PPIP5K2: variants seen among roughly 807,000 people sequenced by gnomAD.
PPIP5K2 encodes diphosphoinositol pentakisphosphate kinase 2.
Under a neutral mutation model 154.6 loss-of-function variants are expected in PPIP5K2, and 105 were observed. That is an observed-to-expected ratio of 0.68 (90% CI 0.58 to 0.80). The LOEUF is 0.80. Among genes scored for constraint, PPIP5K2 ranks in the 30% least tolerant of loss-of-function variants. PPIP5K2 has a pLI of 0.00. For missense variants in PPIP5K2, 992 were observed against 1,504.6 expected, an observed-to-expected ratio of 0.66 and a Z score of 5.64; for synonymous variants, 480 against 490.3, an observed-to-expected ratio of 0.98 and a Z score of 0.28.
chr5:103,184,988 T>C (rs1240805433), intron 26 of PPIP5K2, among the ~76,000 whole-genome samples: 5 of 152,180 alleles, frequency 3.3e-5, no homozygotes, highest in Non-Finnish European at 4.4e-5. Flanking sequence ...CTTAGTTCAC[T>C]TGCCAATGCT....
rs781791997 is a variant in PPIP5K2 at position 103,173,949 on chromosome 5, C to G, written c.2506C>G (p.Leu836Val). The G allele has an allele frequency of 3.1e-6, 5 of 1,598,268 alleles. No individual in the cohort carries two copies. Among genetic ancestry groups the G allele is most frequent in the Non-Finnish European group, 4.3e-6 (5 of 1,166,964 alleles). ...ESHVHSLLSILRYGALCNESK... is the reference protein window; with the variant it reads ...ESHVHSLLSIVRYGALCNESK... ...TCATGTACATTCTTTGCTGTCTATT[C>G]TTCGCTATGGTGCCTTATGCAATGT... is the stretch of plus-strand genomic sequence containing the variant. Residue 836 changes from leucine to valine, a missense_variant, in exon 21 of 31, where the codon CTT (leucine) becomes GTT (valine). Leu to Val is a conservative substitution (Grantham distance 32). Around this residue, in one of 9 missense-constraint regions of PPIP5K2, gnomAD observed 157 missense variants for 281.2 expected, o/e 0.56. Transcript: ENST00000358359.
At chr5:103,199,303 T>G (rs1487170404) in intron 30 of PPIP5K2, among the ~76,000 whole-genome samples, 1 of 152,174 alleles carries the variant, frequency 6.6e-6, no homozygotes, top group Non-Finnish European at 1.5e-5. Context: ...GCCTGAAGTT[T>G]TTTAGCATTT....
At chr5:103,152,890 GATTATACGT>G in intron 10 of PPIP5K2, 141 bp downstream of exon 10, 1 of 544,096 alleles carries the variant, frequency 1.8e-6, no homozygotes, top group East Asian at 3.2e-5. Flanking sequence ...TAGAGGAGTA[GATTATACGT>G]ATTTATAAGG....
At chr5:103,186,605 A>G (rs1407712608) in intron 27 of PPIP5K2, among the ~76,000 whole-genome samples, 166 bp downstream of exon 27, 1 of 152,168 alleles carries the variant, frequency 6.6e-6, no homozygotes, top group African/African-American at 2.4e-5. Context: ...ACTTGGATCC[A>G]TGTTTCATCA....
chr5:103,183,176 CTTTTTTTTTTTTT>C lies in PPIP5K2; in HGVS notation c.2923-33_2923-21del, dbSNP rs781952635. 30 of 539,196 alleles carry C rather than the reference CTTTTTTTTTTTTT, an allele frequency of 5.6e-5. No homozygotes were observed. In the African/African-American group the frequency reaches 7.2e-4, roughly 13 times the overall value. 33.4% of individuals were successfully genotyped at this position (539,196 alleles called of 1,614,324 possible). On this transcript the variant is annotated intron_variant, in intron 24 of 30. Coordinates refer to ENST00000358359, the MANE Select transcript of PPIP5K2 (RefSeq NM_001276277.3). The stretch of plus-strand genomic sequence containing the variant: ...GTTGTATCTAACTTTGCATGCTCTG[CTTTTTTTTTTTTT>C]TTTTTTTTTTTTTTTTTTTTTTTTG...
chr5:103,121,693 C>G (rs1554199103), intron 1 of PPIP5K2, among the ~76,000 whole-genome samples: 1 of 152,332 alleles, frequency 6.6e-6, no homozygotes, highest in South Asian at 2.1e-4. Context: ...ACTGTACTTA[C>G]TGCAGCACAG....
At chr5:103,187,291 GTA>G in intron 27 of PPIP5K2, 21 bp from the exon 28 acceptor site, 1 of 1,519,480 alleles carries the variant, frequency 6.6e-7, no homozygotes. Flanking sequence ...CGAATTTCAG[GTA>G]CCTGTTTTTC....
At chr5:103,142,707 C>T (rs896267363) in intron 5 of PPIP5K2, among the ~76,000 whole-genome samples, 3 of 149,246 alleles carry the variant, frequency 2.0e-5, no homozygotes, top group East Asian at 3.9e-4. Context: ...ACCCAGGAGG[C>T]GGAGCTTGCA....
intron 10 of PPIP5K2, 147 bp downstream of exon 10, chr5:103,152,896 A>G: frequency 1.9e-6 from 1 of 536,868 alleles, no homozygotes; most frequent in Non-Finnish European, 3.3e-6. Flanking sequence ...AGTAGATTAT[A>G]CGTATTTATA....
intron 1 of PPIP5K2, among the ~76,000 whole-genome samples, chr5:103,126,697 A>C (rs1280593330): frequency 1.3e-5 from 2 of 151,838 alleles, no homozygotes; most frequent in African/African-American, 4.8e-5. Context: ...CCAGCACAGG[A>C]GAAAGATGCA....
chr5:103,168,355 G>C, intron 19 of PPIP5K2, 60 bp downstream of exon 19: 1 of 1,324,190 alleles, frequency 7.6e-7, no homozygotes, highest in East Asian at 2.4e-5. Context: ...TAAAATGTCT[G>C]TTGGTGGATA....
intron 5 of PPIP5K2, among the ~76,000 whole-genome samples, chr5:103,139,911 C>T (rs1170343006): frequency 2.0e-5 from 3 of 152,072 alleles, no homozygotes; most frequent in Non-Finnish European, 4.4e-5. Flanking sequence ...AGCCTCTCAA[C>T]AGCAAAGTGG....
At chr5:103,169,602 T>C (rs569818579) in intron 19 of PPIP5K2, among the ~76,000 whole-genome samples, 20 of 151,880 alleles carry the variant, frequency 1.3e-4, no homozygotes, top group Admixed American at 1.1e-3. Context: ...ATCAGATATA[T>C]AATATAGACA....
At chr5:103,140,297 A>G (rs1554205994) in intron 5 of PPIP5K2, among the ~76,000 whole-genome samples, 1 of 152,230 alleles carries the variant, frequency 6.6e-6, no homozygotes, top group East Asian at 1.9e-4. Flanking sequence ...ACGAATATGC[A>G]TAGGTCATAG....
At chr5:103,161,224 C>G (rs529603401) in intron 17 of PPIP5K2, among the ~76,000 whole-genome samples, 2,464 of 151,470 alleles carry the variant, frequency 0.016, 60 homozygotes, top group African/African-American at 0.057. Context: ...GTTTTTTGTC[C>G]TTTCGATAGT....
chr5:103,156,849 T>C (rs528147080), intron 14 of PPIP5K2, among the ~76,000 whole-genome samples: 3 of 152,260 alleles, frequency 2.0e-5, no homozygotes, highest in African/African-American at 7.2e-5. Context: ...ATATTCATAG[T>C]GGTATTATTT....
intron 5 of PPIP5K2, among the ~76,000 whole-genome samples, chr5:103,139,720 T>C (rs1435682784): frequency 6.6e-6 from 1 of 152,202 alleles, no homozygotes; most frequent in African/African-American, 2.4e-5. Context: ...GATGGAGATA[T>C]GTGACCTTTC....
rs374062079 is a variant in PPIP5K2, at chr5:103,173,848, C to T, written c.2415-10C>T. On this transcript the variant is annotated splice_polypyrimidine_tract_variant and intron_variant, in intron 20 of 30. Transcript: ENST00000358359. Reference sequence around the variant, plus strand: ...GGTTATGTTTGAACACTGTCTGCTTCTAATTTTAGGTATTCTAGAGGTGTT... The same window carrying T: ...GGTTATGTTTGAACACTGTCTGCTTTTAATTTTAGGTATTCTAGAGGTGTT... 39 of 1,498,936 alleles carry T rather than the reference C, an allele frequency of 2.6e-5. No individual in the cohort carries two copies. Among genetic ancestry groups the T allele is most frequent in the Non-Finnish European group, 3.6e-5 (39 of 1,079,834 alleles). 92.9% of individuals were successfully genotyped at this position (1,498,936 alleles called of 1,614,324 possible). A position where few individuals can be genotyped will look rare whatever the true frequency, so the allele number is the denominator to read the frequency against.
At chr5:103,127,251 C>A (rs1381501642) in intron 1 of PPIP5K2, among the ~76,000 whole-genome samples, 1 of 152,060 alleles carries the variant, frequency 6.6e-6, no homozygotes, top group African/African-American at 2.4e-5. Context: ...TAAGTACATA[C>A]CTATATATTG....
Sources: gnomAD v4.1 joint callset for allele counts (sites outside exome capture counted in the v4.1 genomes callset) on GRCh38, gnomAD v4.1.1 for gene constraint, gnomAD v4.1.1 regional missense constraint, MANE v1.5 for transcripts, NCBI Gene and HGNC (gene_info 2026-07-23, HGNC 2026-07-21) for gene names.